CRYBG1: variants seen among roughly 807,000 people sequenced by gnomAD.
The protein encoded by CRYBG1 is beta/gamma crystallin domain-containing protein 1.
CRYBG1 carries 139 observed loss-of-function variants against 189.2 expected under a neutral mutation model. The ratio of observed to expected loss-of-function variants is 0.73; its 90% CI spans 0.64 to 0.85. CRYBG1 has a LOEUF of 0.85. Among genes scored for constraint, CRYBG1 ranks in the 40% least tolerant of loss-of-function variants. CRYBG1 has a pLI of 0.00. For missense variants in CRYBG1, 2,611 were observed against 2,675.8 expected (o/e 0.98, Z 0.53); for synonymous variants, 1,023 against 1,017.1 (o/e 1.01, Z -0.11).
chr6:106,565,146 C>T (rs1774843712), intron 21 of CRYBG1, among the ~76,000 whole-genome samples: 2 of 151,842 alleles, frequency 1.3e-5, no homozygotes, highest in Non-Finnish European at 2.9e-5. Flanking sequence ...GGTGAAACCC[C>T]GTCTCTACTA....
At chr6:106,430,000 A>T (rs987913091) in intron 1 of CRYBG1, among the ~76,000 whole-genome samples, 1 of 152,322 alleles carries the variant, frequency 6.6e-6, no homozygotes, top group East Asian at 1.9e-4. Context: ...TATTATTTTT[A>T]AAAATCCTCT....
intron 1 of CRYBG1, among the ~76,000 whole-genome samples, chr6:106,383,723 GTTCT>G (rs763130027): frequency 4.1e-4 from 63 of 152,300 alleles, no homozygotes; most frequent in Non-Finnish European, 7.8e-4. Flanking sequence ...CCTCTGATCA[GTTCT>G]TTATTTCCAC....
chr6:106,512,617 G>A lies in CRYBG1; in HGVS notation c.1500G>A (p.Ser500=). 2 of 1,600,040 alleles carry A rather than the reference G, an allele frequency of 1.2e-6. No individual in the cohort carries two copies. The highest frequency in any genetic ancestry group is 1.7e-6 in the Non-Finnish European group (2 of 1,174,322). ...PGTKGQLRGE[S]DRSKQPPPAS... Reference sequence around the variant, plus strand: ...CCAAAGGGCAGCTCCGAGGGGAGTCGGACCGGAGCAAACAGCCACCCCCGG... The same window carrying A: ...CCAAAGGGCAGCTCCGAGGGGAGTCAGACCGGAGCAAACAGCCACCCCCGG... The change falls in exon 3 of 22, where the codon TCG becomes TCA. Residue 500 remains serine, a synonymous_variant. Coordinates refer to ENST00000633556, the MANE Select transcript of CRYBG1 (RefSeq NM_001371242.2).
chr6:106,541,361 A>G, intron 9 of CRYBG1: 1 of 676,038 alleles, frequency 1.5e-6, no homozygotes, highest in Non-Finnish European at 2.8e-6. Context: ...CACTCCTACA[A>G]CGCAGATCAG....
intron 1 of CRYBG1, among the ~76,000 whole-genome samples, chr6:106,362,358 G>T (rs1206135844): frequency 6.6e-6 from 1 of 152,078 alleles, no homozygotes; most frequent in East Asian, 1.9e-4. Flanking sequence ...CATGTACTGC[G>T]ATATAAAAAA....
chr6:106,378,901 G>A (rs754185762), intron 1 of CRYBG1, among the ~76,000 whole-genome samples: 3 of 152,048 alleles, frequency 2.0e-5, no homozygotes, highest in Non-Finnish European at 4.4e-5. Flanking sequence ...TATAATCCTA[G>A]CACTTTGGGA....
chr6:106,382,780 T>A (rs1770310687), intron 1 of CRYBG1, among the ~76,000 whole-genome samples: 1 of 152,202 alleles, frequency 6.6e-6, no homozygotes, highest in East Asian at 1.9e-4. Context: ...TTCTGTGCTA[T>A]TGGCATGCAA....
In CRYBG1 at chr6:106,408,650, A is replaced by C. The variant is rs564480708; in HGVS notation, c.174-43044A>C. On this transcript the variant is annotated intron_variant, in intron 1 of 21. Transcript: ENST00000633556. The stretch of plus-strand genomic sequence containing the variant: ...ATACTGGCAAACTGAATCCAGCAGC[A>C]CATCAAAAAGCTTATCCACCACGAT... Among the ~76,000 whole-genome samples, 17 of 152,332 alleles carry C rather than the reference A, an allele frequency of 1.1e-4. No homozygotes were observed. In the East Asian group the frequency reaches 3.3e-3, roughly 29 times the overall value.
intron 1 of CRYBG1, among the ~76,000 whole-genome samples, chr6:106,395,475 T>C (rs1442459972): frequency 6.6e-6 from 1 of 152,018 alleles, no homozygotes; most frequent in Non-Finnish European, 1.5e-5. Context: ...CATATATTCG[T>C]TTTTCAAATA....
chr6:106,539,487 T>A lies in CRYBG1; in HGVS notation c.4803T>A (p.Asp1601Glu). Residue 1601 changes from aspartate (D) to glutamate (E), a missense_variant, in exon 9 of 22, where the codon GAT becomes GAA. By Grantham distance (45) the Asp-to-Glu change is conservative (BLOSUM62 2). Coordinates refer to ENST00000633556, the MANE Select transcript of CRYBG1 (RefSeq NM_001371242.2). ...PGEYPDLSFW[D>E]TEEAYIGSMR... ...AATACCCTGACTTGTCCTTCTGGGATACAGAAGAAGCGTACATTGGATCCA... is the reference window on the plus strand; with the variant it reads ...AATACCCTGACTTGTCCTTCTGGGAAACAGAAGAAGCGTACATTGGATCCA... 6.2e-7 allele frequency: 1 copy of A among 1,613,598 alleles called. No individual in the cohort carries two copies. The highest frequency in any genetic ancestry group is 2.2e-5 in the East Asian group (1 of 44,862).
intron 2 of CRYBG1, among the ~76,000 whole-genome samples, chr6:106,473,280 C>T (rs1220385440): frequency 6.6e-6 from 1 of 152,174 alleles, no homozygotes; most frequent in East Asian, 1.9e-4. Context: ...CCAGTTTCAA[C>T]AGCTACCAAC....
intron 2 of CRYBG1, among the ~76,000 whole-genome samples, chr6:106,503,343 CAG>C (rs1198445526): frequency 6.6e-6 from 1 of 152,208 alleles, no homozygotes; most frequent in Non-Finnish European, 1.5e-5. Flanking sequence ...ATTCTAAAGA[CAG>C]AGCTCCATCA....
At chr6:106,472,797 G>A (rs1772260919) in intron 2 of CRYBG1, among the ~76,000 whole-genome samples, 2 of 151,552 alleles carry the variant, frequency 1.3e-5, no homozygotes, top group South Asian at 2.1e-4. Flanking sequence ...CCAGCTACTC[G>A]GGAAGCTGAA....
chr6:106,499,483 A>G (rs981101047), intron 2 of CRYBG1, among the ~76,000 whole-genome samples: 23 of 138,952 alleles, frequency 1.7e-4, no homozygotes, highest in African/African-American at 6.2e-4. Context: ...TTACTTAAAA[A>G]TTTTTAAATT....
At chr6:106,393,098 A>G (rs1770538996) in intron 1 of CRYBG1, among the ~76,000 whole-genome samples, 2 of 152,188 alleles carry the variant, frequency 1.3e-5, no homozygotes, top group Non-Finnish European at 2.9e-5. Flanking sequence ...ATTTCAAAAC[A>G]ATAAAATCTC....
At chr6:106,548,240 C>G (rs1345365890) in intron 13 of CRYBG1, among the ~76,000 whole-genome samples, 5 of 152,132 alleles carry the variant, frequency 3.3e-5, no homozygotes, top group East Asian at 3.9e-4. Flanking sequence ...AGTAGACTCT[C>G]GGATCATAGA....
intron 21 of CRYBG1, 146 bp from the exon 22 acceptor site, chr6:106,568,326 C>T: frequency 1.6e-6 from 1 of 628,200 alleles, no homozygotes; most frequent in Admixed American, 2.6e-5. Context: ...GCCCAGGCTT[C>T]CCTCCCTGCC....
In CRYBG1 at chr6:106,362,263, C is replaced by G. The variant is rs542389737; in HGVS notation, c.173+1182C>G. Among the ~76,000 whole-genome samples, 3 of 152,176 alleles carry G rather than the reference C, an allele frequency of 2.0e-5. No individual in the cohort carries two copies. In the South Asian group the frequency reaches 6.2e-4, roughly 32 times the overall value. On this transcript the variant is annotated intron_variant, in intron 1 of 21. Coordinates refer to ENST00000633556, the MANE Select transcript of CRYBG1 (RefSeq NM_001371242.2). ...GGATTACAGGCATGAGCCACCGCGC[C>G]CGGCCTCTCCTTTTATTTGTAAAAA...
chr6:106,512,808 C>T lies in CRYBG1; in HGVS notation c.1691C>T (p.Ala564Val), dbSNP rs781621597. Residue 564 changes from alanine (A) to valine (V), a missense_variant, in exon 3 of 22, where the codon GCG (alanine) becomes GTG (valine). Physicochemically the swap from Ala to Val is moderately conservative, Grantham distance 64. Transcript: ENST00000633556. ...GCGGCCGAGAGCGGGGAGGAGGCGGCGCGGGCCATCCCCCGCGAGCTCCCG... is the reference window on the plus strand; with the variant it reads ...GCGGCCGAGAGCGGGGAGGAGGCGGTGCGGGCCATCCCCCGCGAGCTCCCG... ...GTAAESGEEA[A>V]RAIPRELPVK... 2.0e-5 allele frequency: 31 copies of T among 1,574,360 alleles called. No homozygotes were observed. The highest frequency in any genetic ancestry group is 2.3e-5 in the South Asian group (2 of 86,794).
Sources: gnomAD v4.1 joint callset for allele counts (sites outside exome capture counted in the v4.1 genomes callset) on GRCh38, gnomAD v4.1.1 for gene constraint, MANE v1.5 for transcripts, NCBI Gene and HGNC (gene_info 2026-07-23, HGNC 2026-07-21) for gene names.